Variants in COL6A3 observed in about 807,000 individuals in gnomAD.
COL6A3 encodes collagen alpha-3(VI) chain.
Under a neutral mutation model 274.1 loss-of-function variants are expected in COL6A3, and 137 were observed. The ratio of observed to expected loss-of-function variants is 0.50; its 90% CI spans 0.44 to 0.58. COL6A3 has a LOEUF of 0.58. Among genes scored for constraint, COL6A3 ranks in the 20% least tolerant of loss-of-function variants. The pLI is 0.00. For synonymous variants in COL6A3, 1,650 were observed against 1,650.6 expected, an observed-to-expected ratio of 1.00 and a Z score of 0.01; for missense variants, 3,950 against 4,124.9, an observed-to-expected ratio of 0.96 and a Z score of 1.16.
At position 237,372,302 on chromosome 2, in the gene COL6A3, C is replaced by A; in HGVS notation, c.3715G>T (p.Asp1239Tyr). The A allele has an allele frequency of 6.2e-7, 1 of 1,610,768 alleles. No homozygotes were observed. The highest frequency in any genetic ancestry group is 8.5e-7 in the Non-Finnish European group (1 of 1,180,016). ...GGKRDVVFLI[D>Y]GSQSAGPEFQ... The stretch of plus-strand genomic sequence containing the variant: ...TCAGGCCCGGCACTTTGGGACCCAT[C>A]GATGAGAAAGACCACGTCCCTCTTG... Residue 1239 changes from aspartate to tyrosine, a missense_variant, in exon 9 of 44, where the codon GAT becomes TAT. By Grantham distance (160) the Asp-to-Tyr change is radical (BLOSUM62 -3). Coordinates refer to ENST00000295550, the MANE Select transcript of COL6A3 (RefSeq NM_004369.4).
At chr2:237,390,988 G>T (rs76997171) in intron 3 of COL6A3, among the ~76,000 whole-genome samples, 1 of 152,086 alleles carries the variant, frequency 6.6e-6, no homozygotes, top group Non-Finnish European at 1.5e-5. Context: ...AGTGGTGATC[G>T]TTCATATTTT....
At chr2:237,395,733 G>A (rs996910007) in intron 2 of COL6A3, among the ~76,000 whole-genome samples, 5 of 152,218 alleles carry the variant, frequency 3.3e-5, no homozygotes, top group African/African-American at 7.2e-5. Context: ...TTCTTTAAGC[G>A]AGGAGGACTT....
chr2:237,352,691 G>T, intron 25 of COL6A3, 107 bp from the exon 26 acceptor site: 1 of 1,018,764 alleles, frequency 9.8e-7, no homozygotes, highest in Non-Finnish European at 1.5e-6. Flanking sequence ...ACTTCTGCTG[G>T]CCAAAAACGG....
At chr2:237,357,179 T>A (rs1424698942) in intron 23 of COL6A3, 159 bp downstream of exon 23, 1 of 772,994 alleles carries the variant, frequency 1.3e-6, no homozygotes, top group Non-Finnish European at 2.4e-6. Flanking sequence ...CCAGGGAAAT[T>A]ATAAGAATGA....
chr2:237,371,628 A>G lies in COL6A3; in HGVS notation c.4285+104T>C. The G allele has an allele frequency of 6.6e-7, 1 of 1,508,898 alleles. No homozygotes were observed. Among genetic ancestry groups the G allele is most frequent in the South Asian group, 1.4e-5 (1 of 72,698 alleles). 93.5% of individuals were successfully genotyped at this position (1,508,898 alleles called of 1,614,324 possible). The stretch of plus-strand genomic sequence containing the variant: ...AAAAACCATAAAGGTAAGGGCATAC[A>G]ACCTTTATTTTAATTTAATTTATTA... On this transcript the variant is annotated intron_variant, in intron 9 of 43. Coordinates refer to ENST00000295550, the MANE Select transcript of COL6A3 (RefSeq NM_004369.4). The surrounding 1 kb of genome is among the most constrained non-coding windows in gnomAD (Gnocchi z 4.3).
intron 26 of COL6A3, among the ~76,000 whole-genome samples, chr2:237,351,546 G>A (rs2077206475): frequency 6.6e-6 from 1 of 152,166 alleles, no homozygotes; most frequent in African/African-American, 2.4e-5. Flanking sequence ...CCCTCACAGT[G>A]AGCACCTGGT....
At position 237,369,167 on chromosome 2, in the gene COL6A3, A is replaced by C. The variant is rs2077626425; in HGVS notation, c.4296T>G (p.Ser1432Arg). 1 of 1,611,178 alleles carries C rather than the reference A, an allele frequency of 6.2e-7. No individual in the cohort carries two copies. Residue 1432 changes from serine to arginine, a missense_variant, in exon 10 of 44, where the codon AGT (serine) becomes AGG (arginine). Physicochemically the swap from Ser to Arg is moderately radical, Grantham distance 110. This residue lies in a region of COL6A3 where 1,934 missense variants were observed against 1,984.3 expected (regional missense o/e 0.97). Transcript: ENST00000295550. ...TCAGAAAGACAATGTCTGCAGCATC[A>C]CTCTCAACTGCTGCAGATCAAAGAA... is the stretch of plus-strand genomic sequence containing the variant. ...STRYPPPAVE[S>R]DAADIVFLID...
chr2:237,380,882 C>A, intron 5 of COL6A3, 33 bp downstream of exon 5: 2 of 1,599,918 alleles, frequency 1.3e-6, no homozygotes, highest in Non-Finnish European at 1.7e-6. Flanking sequence ...TGGAGACCAC[C>A]CCATTGTGTG....
At chr2:237,330,182 A>G (rs1408359005) in intron 42 of COL6A3, 1 of 152,236 alleles carries the variant, frequency 6.6e-6, no homozygotes, top group Non-Finnish European at 1.5e-5. Context: ...TAATATGCAT[A>G]GAAAATATCT....
chr2:237,347,853 G>C lies in COL6A3; in HGVS notation c.6983C>G (p.Pro2328Arg). Residue 2328 changes from proline to arginine, a missense_variant, in exon 31 of 44, where the codon CCT becomes CGT. Coordinates refer to ENST00000295550, the MANE Select transcript of COL6A3 (RefSeq NM_004369.4). ...YPGPKGNPGE[P>R]GLNGTTGPKG... ...GGGTCCTGTTGTTCCATTTAGCCCA[G>C]GTTCACCTGGGTTACCCTGGGAAGA... The C allele has an allele frequency of 6.2e-7, 1 of 1,610,164 alleles. No individual in the cohort carries two copies. The highest frequency in any genetic ancestry group is 8.5e-7 in the Non-Finnish European group (1 of 1,178,142).
chr2:237,349,228 T>C (rs2077156795), intron 28 of COL6A3, among the ~76,000 whole-genome samples: 1 of 152,170 alleles, frequency 6.6e-6, no homozygotes, highest in East Asian at 1.9e-4. Flanking sequence ...CGTCATTAAT[T>C]ATGAATCAGA....
chr2:237,329,177 T>A (rs1261470794), intron 42 of COL6A3: 3 of 152,262 alleles, frequency 2.0e-5, no homozygotes, highest in African/African-American at 7.2e-5. Flanking sequence ...TGCCTCAGCC[T>A]CCTCAGTAGC....
chr2:237,372,886 C>T (rs2077730454), intron 8 of COL6A3, among the ~76,000 whole-genome samples: 2 of 152,084 alleles, frequency 1.3e-5, no homozygotes. Flanking sequence ...CCATCCAGCA[C>T]AGTGGAGAAA....
At position 237,377,161 on chromosome 2, in the gene COL6A3, T is replaced by C; in HGVS notation, c.2681A>G (p.Gln894Arg). The change falls in exon 7 of 44, where the codon CAG becomes CGG. Residue 894 changes from glutamine (Q) to arginine (R), a missense_variant. Around this residue, in one of 5 missense-constraint regions of COL6A3, gnomAD observed 1,934 missense variants for 1,984.3 expected, o/e 0.97. Transcript: ENST00000295550. Reference protein sequence around the residue: ...VKVESRFDEHQSKPEILNLVK... With the variant: ...VKVESRFDEHRSKPEILNLVK... ...AAGATTCAGGATCTCAGGCTTACTCTGGTGCTCATCAAAACGGGACTCCAC... is the reference window on the plus strand; with the variant it reads ...AAGATTCAGGATCTCAGGCTTACTCCGGTGCTCATCAAAACGGGACTCCAC... 6.2e-7 allele frequency: 1 copy of C among 1,614,212 alleles called. No individual in the cohort carries two copies. The highest frequency in any genetic ancestry group is 1.1e-5 in the South Asian group (1 of 91,082).
chr2:237,333,376 C>A (rs1367266431), intron 42 of COL6A3, 74 bp downstream of exon 42: 1 of 1,416,906 alleles, frequency 7.1e-7, no homozygotes, highest in Non-Finnish European at 9.9e-7. Context: ...GACTTAGAAC[C>A]CAGGAAGTTA....
rs150911180 is a variant in COL6A3 at position 237,372,303 on chromosome 2, G to A, written c.3714C>T (p.Ile1238=). The change falls in exon 9 of 44, where the codon ATC becomes ATT. Residue 1238 remains isoleucine, a synonymous_variant. Transcript: ENST00000295550. ...CAGGCCCGGCACTTTGGGACCCATC[G>A]ATGAGAAAGACCACGTCCCTCTTGC... ...VGGKRDVVFL[I]DGSQSAGPEF... 43 of 1,610,540 alleles carry A rather than the reference G, an allele frequency of 2.7e-5. No homozygotes were observed. Among genetic ancestry groups the A allele is most frequent in the Admixed American group, 1.7e-4 (10 of 60,024 alleles).
At chr2:237,381,881 C>A (rs1193590720) in intron 4 of COL6A3, among the ~76,000 whole-genome samples, 1 of 152,188 alleles carries the variant, frequency 6.6e-6, no homozygotes, top group African/African-American at 2.4e-5. Flanking sequence ...CCACTGATGT[C>A]TGCTCAGAGA....
intron 27 of COL6A3, among the ~76,000 whole-genome samples, chr2:237,350,886 T>C (rs968476330): frequency 6.6e-6 from 1 of 152,236 alleles, no homozygotes; most frequent in South Asian, 2.1e-4. Context: ...TGGAGGGCTG[T>C]GGCCAGGAGA....
chr2:237,363,150 C>G lies in COL6A3; in HGVS notation c.6063+103G>C, dbSNP rs569020284. 2.5e-5 allele frequency: 29 copies of G among 1,174,412 alleles called. No individual in the cohort carries two copies. In the Admixed American group the frequency reaches 3.8e-4, roughly 15 times the overall value. 72.7% of individuals were successfully genotyped at this position (1,174,412 alleles called of 1,614,324 possible). Reference sequence around the variant, plus strand: ...ATTTAACTATCTACCAAGGCCCCCCCCCCACCTCCATTCACCTGCTGATAA... The same window carrying G: ...ATTTAACTATCTACCAAGGCCCCCCGCCCACCTCCATTCACCTGCTGATAA... On this transcript the variant is annotated intron_variant, in intron 14 of 43. Coordinates refer to ENST00000295550, the MANE Select transcript of COL6A3 (RefSeq NM_004369.4).
Sources: allele counts gnomAD v4.1 joint callset (sites outside exome capture counted in the v4.1 genomes callset), GRCh38; gene constraint gnomAD v4.1.1; regional missense constraint gnomAD v4.1.1; non-coding constraint Gnocchi (gnomAD v3.1); transcripts MANE v1.5; gene names NCBI Gene and HGNC (gene_info 2026-07-23, HGNC 2026-07-21).